The following ZNF250 variants were observed in gnomAD, a reference collection of about 807,000 sequenced individuals.
The protein encoded by ZNF250 is zinc finger protein (clone 647).
In ZNF250, 13 loss-of-function variants were observed where a neutral mutation model predicts 37.1. The ratio of observed to expected loss-of-function variants is 0.35; its 90% CI spans 0.23 to 0.56. ZNF250 has a LOEUF of 0.56. Among genes scored for constraint, ZNF250 ranks in the 20% least tolerant of loss-of-function variants. The pLI is 0.87. For synonymous variants in ZNF250, 251 were observed against 265.6 expected, an observed-to-expected ratio of 0.94 and a Z score of 0.54; for missense variants, 474 against 697.9, an observed-to-expected ratio of 0.68 and a Z score of 3.61.
Position 144,882,386 on chromosome 8 carries a change from G to A in ZNF250, c.797C>T (p.Ala266Val), listed in dbSNP as rs1831549638. ...GKAFRVSSDL[A>V]QHHKIHTGEK... is the part of the protein sequence containing the mutation. The stretch of plus-strand genomic sequence containing the variant: ...TCCTGTATGTATCTTGTGATGCTGA[G>A]CAAGATCTGAGCTCACTCTAAAGGC... Residue 266 changes from alanine (A) to valine (V), a missense_variant, in exon 6 of 6, where the codon GCT becomes GTT. By Grantham distance (64) the Ala-to-Val change is moderately conservative. Transcript: ENST00000417550. This position sits in a 1 kb window ranked among gnomAD's most constrained non-coding sequence, Gnocchi z 5.5. The A allele has an allele frequency of 2.5e-6, 4 of 1,613,810 alleles. No homozygotes were observed. Among genetic ancestry groups the A allele is most frequent in the African/African-American group, 1.3e-5 (1 of 74,888 alleles).
chr8:144,892,447 G>C (rs1456939146), intron 1 of ZNF250, among the ~76,000 whole-genome samples: 1 of 152,184 alleles, frequency 6.6e-6, no homozygotes, highest in Non-Finnish European at 1.5e-5. Flanking sequence ...CAGGTATGTG[G>C]GAAATTGGAA....
chr8:144,889,911 G>A (rs766235790), intron 3 of ZNF250, 22 bp downstream of exon 3: 13 of 1,583,230 alleles, frequency 8.2e-6, no homozygotes, highest in African/African-American at 1.3e-5. Flanking sequence ...ATACATAGAC[G>A]AGGCCTGCTA....
chr8:144,889,739 G>A (rs1290011394), intron 3 of ZNF250, 45 bp from the exon 4 acceptor site: 2 of 1,576,090 alleles, frequency 1.3e-6, no homozygotes, highest in African/African-American at 1.3e-5. Context: ...CATTTACAGA[G>A]CCCCCTCCCC....
rs1251818946 is a variant in ZNF250 at position 144,880,121 on chromosome 8, T to G, written c.*1394A>C. On this transcript the variant is annotated 3_prime_UTR_variant, in exon 6 of 6. Transcript: ENST00000417550. ...AGAACAAATAATTCTGAATACAAAT[T>G]TTTAATTATGAATAAACTAGATTCA... The G allele has an allele frequency of 1.2e-5, 2 of 166,464 alleles. No individual in the cohort carries two copies. The highest frequency in any genetic ancestry group is 2.4e-5 in the African/African-American group (1 of 41,568). The allele number at this position is 166,464 out of a possible 1,614,324, so 10.3% of individuals were successfully genotyped here. A position where few individuals can be genotyped will look rare whatever the true frequency, so the allele number is the denominator to read the frequency against.
chr8:144,883,342 CTTT>C (rs538221806), intron 5 of ZNF250, among the ~76,000 whole-genome samples: 3 of 140,856 alleles, frequency 2.1e-5, no homozygotes, highest in Non-Finnish European at 1.6e-5. Context: ...AAAATAATTT[CTTT>C]TTTTTTTTTT....
In ZNF250 at chr8:144,880,493, C is replaced by A; in HGVS notation, c.*1022G>T. The A allele has an allele frequency of 4.4e-6, 2 of 456,632 alleles. No homozygotes were observed. The highest frequency in any genetic ancestry group is 3.1e-5 in the South Asian group (2 of 64,564). 28.3% of individuals were successfully genotyped at this position (456,632 alleles called of 1,614,324 possible). On this transcript the variant is annotated 3_prime_UTR_variant, in exon 6 of 6. Coordinates refer to ENST00000417550, the MANE Select transcript of ZNF250 (RefSeq NM_001109689.4). Reference sequence around the variant, plus strand: ...ATAAGGGCAAGTTTTGAGGAAAATACCCATTTTTGAGTTGAATTTTTACTA... The same window carrying A: ...ATAAGGGCAAGTTTTGAGGAAAATAACCATTTTTGAGTTGAATTTTTACTA...
rs6988518 is a variant in ZNF250, at chr8:144,890,701, C to T, written c.-54-298G>A. On this transcript the variant is annotated intron_variant, in intron 1 of 5. Coordinates refer to ENST00000417550, the MANE Select transcript of ZNF250 (RefSeq NM_001109689.4). This position sits in a 1 kb window ranked among gnomAD's most constrained non-coding sequence, Gnocchi z 5.1. ...CTGCACCCTGGTCCCGGCCCATGGT[C>T]CTGCCATACACAAGGATACCAGCTC... 0.029 allele frequency among the ~76,000 whole-genome samples: 4,431 copies of T among 152,200 alleles called. 209 individuals carry two copies. The highest frequency in any genetic ancestry group is 0.1 in the African/African-American group (4,240 of 41,514).
At chr8:144,893,059 C>T (rs1832461508) in intron 1 of ZNF250, among the ~76,000 whole-genome samples, 1 of 151,584 alleles carries the variant, frequency 6.6e-6, no homozygotes, top group Non-Finnish European at 1.5e-5. Context: ...GATGGGTTTT[C>T]ACCATCTTGG....
At chr8:144,889,538 TG>T (rs750000190) in intron 4 of ZNF250, 42 bp downstream of exon 4, 1 of 1,512,550 alleles carries the variant, frequency 6.6e-7, no homozygotes, top group East Asian at 2.3e-5. Flanking sequence ...GCTCAGGACC[TG>T]TTTAGCCCTC....
chr8:144,882,533 G>C lies in ZNF250; in HGVS notation c.650C>G (p.Thr217Ser). 1 of 1,614,194 alleles carries C rather than the reference G, an allele frequency of 6.2e-7. No individual in the cohort carries two copies. The highest frequency in any genetic ancestry group is 8.5e-7 in the Non-Finnish European group (1 of 1,180,032). The change falls in exon 6 of 6, where the codon ACT (threonine) becomes AGT (serine). Residue 217 changes from threonine (T) to serine (S), a missense_variant. Physicochemically the swap from Thr to Ser is moderately conservative, Grantham distance 58. Coordinates refer to ENST00000417550, the MANE Select transcript of ZNF250 (RefSeq NM_001109689.4). The surrounding 1 kb of genome is among the most constrained non-coding windows in gnomAD (Gnocchi z 5.5). The part of the protein sequence containing the change: ...SHLLQHQRIH[T>S]GEKPYVCSVC... Reference sequence around the variant, plus strand: ...ACTGCACACATAGGGCTTCTCTCCAGTGTGGATACGCTGATGCTGAAGGAG... The same window carrying C: ...ACTGCACACATAGGGCTTCTCTCCACTGTGGATACGCTGATGCTGAAGGAG...
rs1044197754 is a variant in ZNF250, at chr8:144,878,133, G to A, written c.*3382C>T. On this transcript the variant is annotated 3_prime_UTR_variant, in exon 6 of 6. Coordinates refer to ENST00000417550, the MANE Select transcript of ZNF250 (RefSeq NM_001109689.4). The stretch of plus-strand genomic sequence containing the variant: ...CAGGTTTCTGGACTTTCATCTCAGT[G>A]ATCTCATCTAGGTACCTGGGTGATC... 1 of 152,162 alleles carries A rather than the reference G, an allele frequency of 6.6e-6. No homozygotes were observed. The highest frequency in any genetic ancestry group is 2.4e-5 in the African/African-American group (1 of 41,420). 9.4% of individuals were successfully genotyped at this position (152,162 alleles called of 1,614,324 possible).
At chr8:144,896,008 CA>C (rs1183288137) in intron 1 of ZNF250, among the ~76,000 whole-genome samples, 7,624 of 64,898 alleles carry the variant, frequency 0.12, 168 homozygotes, top group Admixed American at 0.17. Flanking sequence ...GACTCTGTCT[CA>C]AAAAAAAAAA....
At position 144,898,691 on chromosome 8, in the gene ZNF250, C is replaced by T. The variant is rs112776218; in HGVS notation, c.-55+2708G>A. Among the ~76,000 whole-genome samples the T allele has an allele frequency of 9.4e-3, 1,428 of 152,126 alleles. 23 individuals are homozygous for T. Among genetic ancestry groups the T allele is most frequent in the African/African-American group, 0.032 (1,317 of 41,492 alleles). On this transcript the variant is annotated intron_variant, in intron 1 of 5. Transcript: ENST00000417550. ...AGAAAATATTTACAAGCTATCCATC[C>T]GATAAGGGATTAATAACCAGAATGC... is the stretch of plus-strand genomic sequence containing the variant.
rs2129933078 is a variant in ZNF250, at chr8:144,901,098, C to T, written c.-55+301G>A. Among the ~76,000 whole-genome samples, 1 of 149,670 alleles carries T rather than the reference C, an allele frequency of 6.7e-6. No individual in the cohort carries two copies. Among genetic ancestry groups the T allele is most frequent in the East Asian group, 2.0e-4 (1 of 5,042 alleles). On this transcript the variant is annotated intron_variant, in intron 1 of 5. Transcript: ENST00000417550. This position sits in a 1 kb window ranked among gnomAD's most constrained non-coding sequence, Gnocchi z 5.4. The stretch of plus-strand genomic sequence containing the variant: ...GGAGGGACGCCGGTCTGACGGGGCC[C>T]AAGGGGGTAGGGGCGGGGAAGGGAC...
At position 144,889,865 on chromosome 8, in the gene ZNF250, T is replaced by C. The variant is rs1003928844; in HGVS notation, c.169+68A>G. The C allele has an allele frequency of 5.2e-6, 8 of 1,534,160 alleles. No homozygotes were observed. The African/African-American group carries it at 9.6e-5, about 18-fold the overall frequency. ...CAGGACCAGCCTGTCCCAGGCCCCG[T>C]ACCCTGAGAAGCCCCCACCCCAGTC... On this transcript the variant is annotated intron_variant, in intron 3 of 5. Transcript: ENST00000417550.
Position 144,881,824 on chromosome 8 carries a change from G to A in ZNF250, c.1359C>T (p.His453=), listed in dbSNP as rs375828919. The A allele has an allele frequency of 9.9e-5, 160 of 1,613,894 alleles. 2 individuals carry two copies. The South Asian group carries it at 1.2e-3, about 12-fold the overall frequency. ...EKPYVCGECG[H]AFSARRSLIQ... ...TCAGAGACCGGCGTGCACTGAAGGCGTGCCCACATTCACCACACACATAGG... is the reference window on the plus strand; with the variant it reads ...TCAGAGACCGGCGTGCACTGAAGGCATGCCCACATTCACCACACACATAGG... Residue 453 remains histidine, a synonymous_variant, in exon 6 of 6, where the codon CAC becomes CAT. Transcript: ENST00000417550.
chr8:144,881,637 CT>C lies in ZNF250; in HGVS notation c.1545del (p.Val516CysfsTer30). ...TGGATCCGCTGGTGCTGGATGAGCA[CT>C]GAGTACTGGCTGAAGGCCTTCCCGC... is the stretch of plus-strand genomic sequence containing the variant. Reference protein sequence around the residue: ...NSCGKAFSQYSVLIQHQRIHT... With the variant: ...NSCGKAFSQYXVLIQHQRIHT... On this transcript the variant is annotated frameshift_variant, in exon 6 of 6. Transcript: ENST00000417550. LOFTEE classifies it high-confidence loss of function. 1 of 1,606,704 alleles carries C rather than the reference CT, an allele frequency of 6.2e-7. No individual in the cohort carries two copies. Among genetic ancestry groups the C allele is most frequent in the Non-Finnish European group, 8.5e-7 (1 of 1,177,280 alleles).
Position 144,882,235 on chromosome 8 carries a change from G to A in ZNF250, c.948C>T (p.Asn316=). 3 of 1,614,034 alleles carry A rather than the reference G, an allele frequency of 1.9e-6. No homozygotes were observed. Among genetic ancestry groups the A allele is most frequent in the Non-Finnish European group, 1.7e-6 (2 of 1,179,976 alleles). Residue 316 remains asparagine (N), a synonymous_variant, in exon 6 of 6, where the codon AAC becomes AAT. Transcript: ENST00000417550. This position sits in a 1 kb window ranked among gnomAD's most constrained non-coding sequence, Gnocchi z 5.5. ...GGTGGCTCCGCAGAACAGTGCTATGGTTGAAGGCTTTCCCACACAACGGAC... is the reference window on the plus strand; with the variant it reads ...GGTGGCTCCGCAGAACAGTGCTATGATTGAAGGCTTTCCCACACAACGGAC... The part of the protein sequence containing the change: ...YVCPLCGKAF[N]HSTVLRSHQR...
intron 5 of ZNF250, among the ~76,000 whole-genome samples, chr8:144,883,533 T>A (rs1347385909): frequency 6.6e-6 from 1 of 151,862 alleles, no homozygotes; most frequent in African/African-American, 2.4e-5. Flanking sequence ...AGAGATGGGG[T>A]TTTATCGTGT....
Sources: allele counts gnomAD v4.1 joint callset (sites outside exome capture counted in the v4.1 genomes callset), GRCh38; gene constraint gnomAD v4.1.1; non-coding constraint Gnocchi (gnomAD v3.1); transcripts MANE v1.5; gene names NCBI Gene and HGNC (gene_info 2026-07-23, HGNC 2026-07-21).